The following RER1 variants were observed in gnomAD, a reference collection of about 807,000 sequenced individuals.
RER1 encodes retention in endoplasmic reticulum sorting receptor 1, also known as protein RER1.
Under a neutral mutation model 28.3 loss-of-function variants are expected in RER1, and 6 were observed. The observed-to-expected ratio is 0.21, with a 90% CI of 0.12 to 0.42. RER1 has a LOEUF of 0.42. Ranked by LOEUF, RER1 falls within the 10% of genes least tolerant of loss-of-function variation. The probability of loss-of-function intolerance (pLI) is 1.00; values close to 1 mark genes in which losing one functional copy is unlikely to be tolerated. For synonymous variants in RER1, 110 were observed against 95.9 expected, an observed-to-expected ratio of 1.15 and a Z score of -0.86; for missense variants, 159 against 252.9, an observed-to-expected ratio of 0.63 and a Z score of 2.52.
At chr1:2,398,454 TC>T (rs1269936825) in intron 3 of RER1, among the ~76,000 whole-genome samples, 1 of 152,260 alleles carries the variant, frequency 6.6e-6, no homozygotes, top group Non-Finnish European at 1.5e-5. Flanking sequence ...AGTGGCCTGA[TC>T]TTGGCTCACT....
chr1:2,404,824 C>G lies in RER1; in HGVS notation c.*1700C>G, dbSNP rs939708778. 1 of 152,496 alleles carries G rather than the reference C, an allele frequency of 6.6e-6. No homozygotes were observed. Among genetic ancestry groups the G allele is most frequent in the Non-Finnish European group, 1.5e-5 (1 of 68,052 alleles). The allele number at this position is 152,496 out of a possible 1,614,324, so 9.4% of individuals were successfully genotyped here. A position where few individuals can be genotyped will look rare whatever the true frequency, so the allele number is the denominator to read the frequency against. On this transcript the variant is annotated 3_prime_UTR_variant, in exon 7 of 7. Transcript: ENST00000605895. ...GTGTTAGTAACGTACCCACATTTTG[C>G]TGGAGTTAGTTTATTAAAGATGCCT...
intron 2 of RER1, among the ~76,000 whole-genome samples, chr1:2,396,529 A>T (rs913025203): frequency 1.3e-5 from 2 of 152,272 alleles, no homozygotes; most frequent in African/African-American, 4.8e-5. Context: ...GAAATTTCTC[A>T]CAATTTGAAA....
chr1:2,393,204 C>T (rs1430038636), intron 1 of RER1: 5 of 151,986 alleles, frequency 3.3e-5, no homozygotes. Context: ...TTGTTTGTGA[C>T]CAGGCATAAA....
chr1:2,397,489 T>C (rs1434014777), intron 3 of RER1, among the ~76,000 whole-genome samples: 1 of 152,176 alleles, frequency 6.6e-6, no homozygotes, highest in African/African-American at 2.4e-5. Context: ...CGTCCAGGCC[T>C]GGACAGTGGA....
chr1:2,394,863 C>T (rs1325278187), intron 1 of RER1: 1 of 152,256 alleles, frequency 6.6e-6, no homozygotes, highest in East Asian at 1.9e-4. Flanking sequence ...GGAGGCCTCT[C>T]ATCTTTAAAG....
intron 1 of RER1, chr1:2,393,287 C>T (rs41315644): frequency 4.3e-3 from 649 of 152,242 alleles, no homozygotes; most frequent in Non-Finnish European, 6.4e-3. Flanking sequence ...GGCCCAGCCC[C>T]GAACCAGACA....
At chr1:2,397,611 G>A (rs1000295618) in intron 3 of RER1, among the ~76,000 whole-genome samples, 7 of 151,762 alleles carry the variant, frequency 4.6e-5, no homozygotes, top group Non-Finnish European at 7.4e-5. Context: ...TGAATGACTC[G>A]GCGTCCAAAG....
Position 2,405,359 on chromosome 1 carries a change from A to G in RER1, c.*2235A>G, listed in dbSNP as rs1642964402. On this transcript the variant is annotated 3_prime_UTR_variant, in exon 7 of 7. Coordinates refer to ENST00000605895, the MANE Select transcript of RER1 (RefSeq NM_007033.5). ...GCCCCACCCCACCCAGCACGCACTC[A>G]TTCAGTCCATTGCCTTAACACAAGC... is the stretch of plus-strand genomic sequence containing the variant. 5.6e-6 allele frequency: 2 copies of G among 357,794 alleles called. No homozygotes were observed. Among genetic ancestry groups the G allele is most frequent in the Non-Finnish European group, 1.1e-5 (2 of 183,490 alleles). 22.2% of individuals were successfully genotyped at this position (357,794 alleles called of 1,614,324 possible). A position where few individuals can be genotyped will look rare whatever the true frequency, so the allele number is the denominator to read the frequency against.
At chr1:2,399,280 C>CT in intron 3 of RER1, 135 bp from the exon 4 acceptor site, 1 of 687,402 alleles carries the variant, frequency 1.5e-6, no homozygotes, top group East Asian at 2.5e-5. Flanking sequence ...CTTGTCCTTG[C>CT]TATGAGTAAG....
At chr1:2,400,185 G>C (rs1265536164) in intron 4 of RER1, among the ~76,000 whole-genome samples, 1 of 152,248 alleles carries the variant, frequency 6.6e-6, no homozygotes, top group Non-Finnish European at 1.5e-5. Flanking sequence ...CCCACACGCA[G>C]CTCCCTGCCA....
At chr1:2,401,499 G>T (rs1642862267) in intron 5 of RER1, among the ~76,000 whole-genome samples, 1 of 146,224 alleles carries the variant, frequency 6.8e-6, no homozygotes, top group East Asian at 2.0e-4. Context: ...TTTTTGAGAG[G>T]GGTTTGAGCC....
chr1:2,399,411 T>C lies in RER1; in HGVS notation c.187-4T>C. ...ACCACTGACTCTCTTTCCTTCTCTT[T>C]CAGGGTTGGTACATTGTGACCTATG... is the stretch of plus-strand genomic sequence containing the variant. On this transcript the variant is annotated splice_region_variant and splice_polypyrimidine_tract_variant and intron_variant, in intron 3 of 6. Transcript: ENST00000605895. The C allele has an allele frequency of 6.3e-7, 1 of 1,593,742 alleles. No individual in the cohort carries two copies. The highest frequency in any genetic ancestry group is 8.6e-7 in the Non-Finnish European group (1 of 1,161,410).
chr1:2,393,420 G>A (rs189922092), intron 1 of RER1, among the ~76,000 whole-genome samples: 81 of 152,324 alleles, frequency 5.3e-4, no homozygotes, highest in Non-Finnish European at 9.6e-4. Context: ...CTGGGGGTCA[G>A]TGTGGGCGGT....
intron 3 of RER1, 146 bp downstream of exon 3, chr1:2,397,366 C>G: frequency 4.6e-6 from 3 of 656,804 alleles, no homozygotes; most frequent in South Asian, 3.4e-5. Flanking sequence ...TCAGAAAGAT[C>G]TCAGTGACTG....
At chr1:2,395,544 G>T in intron 1 of RER1, 1 of 511,266 alleles carries the variant, frequency 2.0e-6, no homozygotes, top group Non-Finnish European at 3.6e-6. Flanking sequence ...AGGTGCCAGT[G>T]TGGGAATGAA....
chr1:2,397,939 G>C (rs778092537), intron 3 of RER1, among the ~76,000 whole-genome samples: 13 of 152,072 alleles, frequency 8.5e-5, no homozygotes, highest in Non-Finnish European at 1.9e-4. Context: ...TCTCCTCTGG[G>C]GACTGTAGAA....
intron 1 of RER1, chr1:2,393,927 C>T (rs562863761): frequency 5.3e-5 from 8 of 152,302 alleles, no homozygotes; most frequent in Admixed American, 2.0e-4. Flanking sequence ...TGAGCTTTGC[C>T]TAGAGAACAC....
chr1:2,396,278 C>G (rs541344581), intron 2 of RER1: 2 of 216,736 alleles, frequency 9.2e-6, no homozygotes, highest in East Asian at 2.1e-4. Flanking sequence ...GTGAGAGGCT[C>G]TTGTGTGGGC....
At chr1:2,392,724 A>C (rs1394069390) in intron 1 of RER1, among the ~76,000 whole-genome samples, 2 of 152,198 alleles carry the variant, frequency 1.3e-5, no homozygotes, top group African/African-American at 4.8e-5. Flanking sequence ...CCGTAAGTGG[A>C]TAAAGGGTTC....
Sources: gnomAD v4.1 joint callset for allele counts (sites outside exome capture counted in the v4.1 genomes callset) on GRCh38, gnomAD v4.1.1 for gene constraint, MANE v1.5 for transcripts, NCBI Gene and HGNC (gene_info 2026-07-23, HGNC 2026-07-21) for gene names.